The following PDZD2 variants were observed in gnomAD, a reference collection of about 807,000 sequenced individuals.
PDZD2 encodes PDZ domain containing 2.
A neutral mutation model predicts 220.7 loss-of-function variants in PDZD2; 90 were observed. That is an observed-to-expected ratio of 0.41 (90% confidence interval 0.34 to 0.49). The LOEUF (loss-of-function observed/expected upper bound fraction) is 0.49, where lower values mean the gene tolerates loss of function less well. Among genes scored for constraint, PDZD2 ranks in the 20% least tolerant of loss-of-function variants. The probability of loss-of-function intolerance (pLI) is 0.28; values close to 1 mark genes in which losing one functional copy is unlikely to be tolerated. For missense variants in PDZD2, 3,174 were observed against 3,608.5 expected (o/e 0.88, Z 3.08); for synonymous variants, 1,375 against 1,450.5 (o/e 0.95, Z 1.18).
chr5:31,698,598 CAAAAAAAAAA>C (rs755216242), intron 1 of PDZD2, among the ~76,000 whole-genome samples: 1 of 80,898 alleles, frequency 1.2e-5, no homozygotes, highest in Non-Finnish European at 2.6e-5. Context: ...GACTCTGTCT[CAAAAAAAAAA>C]AAAAAGAAAA....
At chr5:31,922,072 C>A (rs1273323528) in intron 2 of PDZD2, among the ~76,000 whole-genome samples, 2 of 146,992 alleles carry the variant, frequency 1.4e-5, no homozygotes, top group Non-Finnish European at 3.0e-5. Flanking sequence ...GAAATCTCCT[C>A]CAATTATTTA....
chr5:31,707,777 C>T (rs543309439), intron 1 of PDZD2, among the ~76,000 whole-genome samples: 103 of 152,250 alleles, frequency 6.8e-4, no homozygotes, highest in African/African-American at 2.3e-3. Flanking sequence ...CAGGCACCCA[C>T]CACCATGACC....
chr5:31,762,287 G>A (rs1366523280), intron 1 of PDZD2, among the ~76,000 whole-genome samples: 1 of 152,124 alleles, frequency 6.6e-6, no homozygotes, highest in Non-Finnish European at 1.5e-5. Flanking sequence ...TGTTGTTGTT[G>A]TTGTTGTTGT....
chr5:32,042,167 C>T (rs1229835723), intron 7 of PDZD2, among the ~76,000 whole-genome samples: 1 of 151,414 alleles, frequency 6.6e-6, no homozygotes, highest in East Asian at 1.9e-4. Context: ...GAGGCTGAGG[C>T]AGGAGAATGG....
At chr5:32,054,312 C>CTTTTTTTTTTTTTTT (rs57135705) in intron 10 of PDZD2, among the ~76,000 whole-genome samples, 3 of 69,332 alleles carry the variant, frequency 4.3e-5, no homozygotes, top group African/African-American at 1.6e-4. Context: ...AAATGAACAT[C>CTTTTTTTTTTTTTTT]TTTTTTTTTT....
At chr5:31,849,965 CATATATATATATACAT>C (rs1757881562) in intron 2 of PDZD2, among the ~76,000 whole-genome samples, 1 of 31,190 alleles carries the variant, frequency 3.2e-5, no homozygotes, top group Non-Finnish European at 5.1e-5. Flanking sequence ...TATATATACA[CATATATATATATACAT>C]ATATATATAT....
At chr5:31,992,103 G>C (rs1751264116) in intron 3 of PDZD2, among the ~76,000 whole-genome samples, 1 of 152,060 alleles carries the variant, frequency 6.6e-6, no homozygotes, top group Non-Finnish European at 1.5e-5. Flanking sequence ...GTCTTCCTTT[G>C]TAGTCCTCTG....
chr5:32,067,279 T>C (rs1176945181), intron 14 of PDZD2, among the ~76,000 whole-genome samples: 1 of 152,218 alleles, frequency 6.6e-6, no homozygotes, highest in South Asian at 2.1e-4. Context: ...TTCTAACTTA[T>C]GTTAAGTGGA....
chr5:31,892,637 A>G (rs1289122855), intron 2 of PDZD2, among the ~76,000 whole-genome samples: 6 of 151,102 alleles, frequency 4.0e-5, no homozygotes, highest in Non-Finnish European at 8.8e-5. Context: ...GCGAGACCAC[A>G]GCTCACTGCA....
At chr5:32,063,808 C>T (rs776495496) in intron 14 of PDZD2, among the ~76,000 whole-genome samples, 1 of 152,160 alleles carries the variant, frequency 6.6e-6, no homozygotes. Context: ...CAATTGTGGA[C>T]GGAATCAATA....
chr5:31,675,828 C>T (rs1412837180), intron 1 of PDZD2, among the ~76,000 whole-genome samples: 1 of 152,080 alleles, frequency 6.6e-6, no homozygotes, highest in East Asian at 1.9e-4. Flanking sequence ...TTGCAAGTAG[C>T]TGGGATGGGA....
At chr5:32,036,005 G>A (rs916939283) in intron 6 of PDZD2, among the ~76,000 whole-genome samples, 6 of 152,138 alleles carry the variant, frequency 3.9e-5, no homozygotes, top group South Asian at 2.1e-4. Flanking sequence ...GTGCAGTAGC[G>A]TGATCTCGGC....
chr5:31,696,486 G>A (rs1279160311), intron 1 of PDZD2, among the ~76,000 whole-genome samples: 1 of 152,010 alleles, frequency 6.6e-6, no homozygotes, highest in Non-Finnish European at 1.5e-5. Context: ...TTGTAGAGAT[G>A]GGGGTAGAGG....
At chr5:32,054,360 A>G (rs939772169) in intron 10 of PDZD2, among the ~76,000 whole-genome samples, 8 of 119,024 alleles carry the variant, frequency 6.7e-5, no homozygotes, top group African/African-American at 1.7e-4. Flanking sequence ...GTCTCAATCT[A>G]TCACCCAGGC....
Position 32,000,815 on chromosome 5 carries a change from A to T in PDZD2, c.1254+544A>T, listed in dbSNP as rs1003346799. ...GTGAGCCACCATGCCTGGCCCTTTA[A>T]GAGTTTTTATAGGTATATGTTAGGG... On this transcript the variant is annotated intron_variant, in intron 5 of 24. Transcript: ENST00000438447. The surrounding 1 kb of genome is among the most constrained non-coding windows in gnomAD (Gnocchi z 4.5). 4.6e-5 allele frequency among the ~76,000 whole-genome samples: 7 copies of T among 152,212 alleles called. No individual in the cohort carries two copies. Among genetic ancestry groups the T allele is most frequent in the African/African-American group, 1.7e-4 (7 of 41,548 alleles).
intron 2 of PDZD2, chr5:31,908,867 A>T: frequency 2.1e-6 from 1 of 479,934 alleles, no homozygotes; most frequent in Non-Finnish European, 3.9e-6. Flanking sequence ...CAACATAGTG[A>T]GACCCTGTCC....
Position 32,087,072 on chromosome 5 carries a change from T to G in PDZD2, c.3683-59T>G. On this transcript the variant is annotated intron_variant, in intron 19 of 24. Coordinates refer to ENST00000438447, the MANE Select transcript of PDZD2 (RefSeq NM_178140.4). This position sits in a 1 kb window ranked among gnomAD's most constrained non-coding sequence, Gnocchi z 4.0. ...AGGGGCTGCTTTCTTATATTATCCCTTTTATCTCCCCTACAACCTCTCCTG... is the reference window on the plus strand; with the variant it reads ...AGGGGCTGCTTTCTTATATTATCCCGTTTATCTCCCCTACAACCTCTCCTG... 1 of 908,910 alleles carries G rather than the reference T, an allele frequency of 1.1e-6. No homozygotes were observed. The highest frequency in any genetic ancestry group is 2.5e-5 in the East Asian group (1 of 40,590). The allele number at this position is 908,910 out of a possible 1,614,324, so 56.3% of individuals were successfully genotyped here.
In PDZD2 at chr5:31,709,996, G is replaced by A. The variant is rs189454343; in HGVS notation, c.-361+70559G>A. Among the ~76,000 whole-genome samples, 28 of 152,284 alleles carry A rather than the reference G, an allele frequency of 1.8e-4. No individual in the cohort carries two copies. The East Asian group carries it at 5.0e-3, about 27-fold the overall frequency. On this transcript the variant is annotated intron_variant, in intron 1 of 24. Transcript: ENST00000438447. ...ACATCAACACATTTCTCTAAAAACT[G>A]GTTGAAAAGGAGCCACTTTTGGAGA...
chr5:31,881,438 T>C (rs1726138633), intron 2 of PDZD2, among the ~76,000 whole-genome samples: 1 of 150,092 alleles, frequency 6.7e-6, no homozygotes. Context: ...AGTGCAATGG[T>C]GCGATCTCAG....
Sources: allele counts gnomAD v4.1 joint callset (sites outside exome capture counted in the v4.1 genomes callset), GRCh38; gene constraint gnomAD v4.1.1; non-coding constraint Gnocchi (gnomAD v3.1); transcripts MANE v1.5; gene names NCBI Gene and HGNC (gene_info 2026-07-23, HGNC 2026-07-21).